Variants in CACNB4 observed in about 807,000 individuals in gnomAD.
The protein encoded by CACNB4 is voltage-dependent L-type calcium channel subunit beta-4.
In CACNB4, 32 loss-of-function variants were observed where a neutral mutation model predicts 71.2. That is an observed-to-expected ratio of 0.45 (90% confidence interval 0.34 to 0.60). CACNB4 has a LOEUF of 0.60. CACNB4 is among the 20% of genes least tolerant of loss of function. The probability of loss-of-function intolerance (pLI) is 0.01; values close to 1 mark genes in which losing one functional copy is unlikely to be tolerated. For synonymous variants in CACNB4, 231 were observed against 236.9 expected (o/e 0.97, Z 0.23); for missense variants, 464 against 647.9 (o/e 0.72, Z 3.08).
intron 2 of CACNB4, among the ~76,000 whole-genome samples, chr2:152,025,292 T>C (rs932344307): frequency 6.6e-6 from 1 of 152,188 alleles, no homozygotes; most frequent in Non-Finnish European, 1.5e-5. Context: ...AAAGACTTAA[T>C]TTTTTCTTTC....
chr2:151,947,560 G>A (rs1281936237), intron 2 of CACNB4, among the ~76,000 whole-genome samples: 1 of 152,156 alleles, frequency 6.6e-6, no homozygotes, highest in Non-Finnish European at 1.5e-5. Flanking sequence ...CAGGTCCCAA[G>A]TGGCCTGAGA....
At chr2:152,083,547 G>A (rs1285050629) in intron 2 of CACNB4, among the ~76,000 whole-genome samples, 1 of 152,212 alleles carries the variant, frequency 6.6e-6, no homozygotes, top group African/African-American at 2.4e-5. Context: ...CCAGCACACA[G>A]AAGAACACAC....
At chr2:152,061,660 T>C (rs1318570081) in intron 2 of CACNB4, among the ~76,000 whole-genome samples, 1 of 149,036 alleles carries the variant, frequency 6.7e-6, no homozygotes, top group Non-Finnish European at 1.5e-5. Flanking sequence ...AAAAAAGTTA[T>C]GAATGTTTCC....
chr2:151,882,179 C>T (rs912665308), intron 3 of CACNB4, among the ~76,000 whole-genome samples: 1 of 135,740 alleles, frequency 7.4e-6, no homozygotes, highest in African/African-American at 2.7e-5. Flanking sequence ...GCACCGGCCC[C>T]TCTTTTTTTT....
intron 2 of CACNB4, among the ~76,000 whole-genome samples, chr2:152,071,400 C>A (rs997731061): frequency 6.6e-6 from 1 of 152,138 alleles, no homozygotes; most frequent in Non-Finnish European, 1.5e-5. Flanking sequence ...GGCAAACAGC[C>A]ATTTGCAAAA....
chr2:151,861,860 T>TAAAAAAAAAAAA (rs2099841807), intron 9 of CACNB4: 2 of 104,966 alleles, frequency 1.9e-5, no homozygotes, highest in African/African-American at 1.1e-4. Flanking sequence ...AAAAAAAAAC[T>TAAAAAAAAAAAA]GAAGAATAAA....
At chr2:152,065,172 C>T (rs1322989085) in intron 2 of CACNB4, among the ~76,000 whole-genome samples, 2 of 152,128 alleles carry the variant, frequency 1.3e-5, no homozygotes, top group Non-Finnish European at 2.9e-5. Flanking sequence ...CATTTGAGGT[C>T]AGGAGTTCGA....
chr2:151,887,409 G>A (rs1266828748), intron 2 of CACNB4, among the ~76,000 whole-genome samples: 2 of 148,620 alleles, frequency 1.3e-5, no homozygotes, highest in Admixed American at 6.9e-5. Flanking sequence ...TCCAGCCTGG[G>A]TGACAGAGCC....
chr2:151,966,396 T>A (rs2099871122), intron 2 of CACNB4, among the ~76,000 whole-genome samples: 1 of 152,158 alleles, frequency 6.6e-6, no homozygotes, highest in Non-Finnish European at 1.5e-5. Context: ...TTCTCCTGCC[T>A]CAGTCTCCTG....
At chr2:152,005,354 A>C (rs1682663101) in intron 2 of CACNB4, among the ~76,000 whole-genome samples, 1 of 152,198 alleles carries the variant, frequency 6.6e-6, no homozygotes, top group Non-Finnish European at 1.5e-5. Context: ...AAAAGAACAA[A>C]ATCAGGTTCT....
chr2:151,891,216 TCTTTTAATTG>T (rs1446234011), intron 2 of CACNB4, among the ~76,000 whole-genome samples: 1 of 152,216 alleles, frequency 6.6e-6, no homozygotes, highest in African/African-American at 2.4e-5. Context: ...CAGACAGGTT[TCTTTTAATTG>T]CTAGTCTGAG....
chr2:152,078,308 C>T (rs866437640), intron 2 of CACNB4, among the ~76,000 whole-genome samples: 1 of 152,132 alleles, frequency 6.6e-6, no homozygotes, highest in South Asian at 2.1e-4. Flanking sequence ...GGAGGGCGGT[C>T]CACACAGATC....
chr2:152,017,715 A>AC (rs1371084076), intron 2 of CACNB4, among the ~76,000 whole-genome samples: 9 of 150,396 alleles, frequency 6.0e-5, no homozygotes, highest in African/African-American at 1.2e-4. Context: ...CTCAACAACA[A>AC]AAAAAAAAAG....
intron 12 of CACNB4, chr2:151,852,666 A>G (rs1211357286): frequency 6.6e-6 from 1 of 152,252 alleles, no homozygotes; most frequent in Admixed American, 6.5e-5. Context: ...TTTACAGGTT[A>G]TGCTGTGTTG....
intron 2 of CACNB4, chr2:151,971,769 C>T (rs2099872612): frequency 3.3e-6 from 2 of 607,516 alleles, no homozygotes; most frequent in Non-Finnish European, 5.9e-6. Flanking sequence ...ACATCTCTCT[C>T]TTCCCCTGAT....
At chr2:152,079,949 G>A (rs1687263856) in intron 2 of CACNB4, among the ~76,000 whole-genome samples, 1 of 152,124 alleles carries the variant, frequency 6.6e-6, no homozygotes, top group African/African-American at 2.4e-5. Context: ...GAATTCTAAT[G>A]TACAGCCAAG....
At chr2:152,074,244 C>T (rs939872729) in intron 2 of CACNB4, among the ~76,000 whole-genome samples, 1 of 151,836 alleles carries the variant, frequency 6.6e-6, no homozygotes, top group Non-Finnish European at 1.5e-5. Context: ...CTACCATCAG[C>T]ACCCCCCCAT....
rs148159862 is a variant in CACNB4 at position 151,943,110 on chromosome 2, T to TA, written c.148-59741dup. On this transcript the variant is annotated intron_variant, in intron 2 of 13. Transcript: ENST00000539935. ...CCCCCTCCCCTTTTGAAACCCTTAA[T>TA]AAAAAACTTGCTGGTTTGAGGCTTA... Among the ~76,000 whole-genome samples, 6,227 of 152,178 alleles carry TA rather than the reference T, an allele frequency of 0.041. 795 individuals carry two copies. The East Asian group carries it at 0.43, about 11-fold the overall frequency.
intron 2 of CACNB4, among the ~76,000 whole-genome samples, chr2:151,896,970 T>C (rs138736958): frequency 1.7e-3 from 264 of 152,338 alleles, no homozygotes; most frequent in African/African-American, 6.1e-3. Context: ...AAGCCCTTGC[T>C]AATTAACTAA....
Sources: allele counts gnomAD v4.1 joint callset (sites outside exome capture counted in the v4.1 genomes callset), GRCh38; gene constraint gnomAD v4.1.1; transcripts MANE v1.5; gene names NCBI Gene and HGNC (gene_info 2026-07-23, HGNC 2026-07-21).